PLCL1: variants seen among roughly 807,000 people sequenced by gnomAD.
PLCL1 encodes the protein phospholipase C like 1 (inactive).
Under a neutral mutation model 84.4 loss-of-function variants are expected in PLCL1, and 41 were observed. That is an observed-to-expected ratio of 0.49 (90% confidence interval 0.38 to 0.63). The LOEUF (loss-of-function observed/expected upper bound fraction) is 0.63, where lower values mean the gene tolerates loss of function less well. PLCL1 is among the 30% of genes least tolerant of loss of function. The probability of loss-of-function intolerance (pLI) is 0.00; values close to 1 mark genes in which losing one functional copy is unlikely to be tolerated. For synonymous variants in PLCL1, 490 were observed against 488.3 expected (o/e 1.00, Z -0.05); for missense variants, 1,206 against 1,367.8 (o/e 0.88, Z 1.87).
chr2:197,819,884 A>ATGTG (rs57885218), intron 1 of PLCL1, among the ~76,000 whole-genome samples: 4,609 of 140,626 alleles, frequency 0.033, 209 homozygotes, highest in African/African-American at 0.11. Context: ...ACTATTATGC[A>ATGTG]TGTGTGTGTG....
intron 1 of PLCL1, among the ~76,000 whole-genome samples, chr2:197,993,707 G>A (rs947102168): frequency 6.6e-5 from 10 of 152,272 alleles, no homozygotes; most frequent in African/African-American, 2.4e-4. Flanking sequence ...TAACCCAGCA[G>A]GGAGAAAACT....
chr2:197,923,894 G>C (rs937695289), intron 1 of PLCL1, among the ~76,000 whole-genome samples: 1 of 151,394 alleles, frequency 6.6e-6, no homozygotes, highest in African/African-American at 2.4e-5. Context: ...ACGAGACTCC[G>C]TCTGCAATCC....
chr2:198,033,203 C>G lies in PLCL1; in HGVS notation c.241-50555C>G, dbSNP rs534398911. Among the ~76,000 whole-genome samples the G allele has an allele frequency of 1.5e-4, 23 of 152,320 alleles. No homozygotes were observed. The South Asian group carries it at 4.6e-3, about 30-fold the overall frequency. ...CAATCAGAGAAGCACTGAGACTATG[C>G]AGTGCATTTGACACAGAAAATACCA... On this transcript the variant is annotated intron_variant, in intron 1 of 5. Coordinates refer to ENST00000428675, the MANE Select transcript of PLCL1 (RefSeq NM_006226.4).
At chr2:197,994,641 T>C (rs759748635) in intron 1 of PLCL1, among the ~76,000 whole-genome samples, 2 of 152,212 alleles carry the variant, frequency 1.3e-5, no homozygotes, top group Non-Finnish European at 2.9e-5. Context: ...ATTAGGTAAA[T>C]GAAAATATTT....
chr2:198,076,475 A>G lies in PLCL1; in HGVS notation c.241-7283A>G, dbSNP rs150049872. ...CATGCATACACTTAGCATTGCCTTT[A>G]ATTAATTCTGTTGACTTAGAAGATG... On this transcript the variant is annotated intron_variant, in intron 1 of 5. Coordinates refer to ENST00000428675, the MANE Select transcript of PLCL1 (RefSeq NM_006226.4). Among the ~76,000 whole-genome samples the G allele has an allele frequency of 6.8e-4, 104 of 152,364 alleles. 3 individuals carry two copies. In the South Asian group the frequency reaches 0.013, roughly 20 times the overall value.
At chr2:198,018,959 G>T (rs1053552269) in intron 1 of PLCL1, among the ~76,000 whole-genome samples, 1 of 152,174 alleles carries the variant, frequency 6.6e-6, no homozygotes, top group Admixed American at 6.5e-5. Flanking sequence ...AGCAGGGGTC[G>T]AGAGACACCT....
chr2:197,890,823 A>G, intron 1 of PLCL1, among the ~76,000 whole-genome samples: 1 of 29,216 alleles, frequency 3.4e-5, no homozygotes, highest in Non-Finnish European at 6.5e-5. Context: ...GTGTATATAT[A>G]CATATATGCA....
chr2:198,074,176 T>C (rs1170650480), intron 1 of PLCL1, among the ~76,000 whole-genome samples: 2 of 152,198 alleles, frequency 1.3e-5, no homozygotes, highest in Admixed American at 6.5e-5. Context: ...AAATATTGCA[T>C]AGAAAACCAT....
chr2:197,813,967 A>G (rs1256037270), intron 1 of PLCL1, among the ~76,000 whole-genome samples: 1 of 152,192 alleles, frequency 6.6e-6, no homozygotes, highest in Admixed American at 6.5e-5. Flanking sequence ...TCAAAAACCA[A>G]TTTTTAAAAC....
chr2:197,919,415 T>C (rs1282324343), intron 1 of PLCL1, among the ~76,000 whole-genome samples: 1 of 152,236 alleles, frequency 6.6e-6, no homozygotes, highest in Non-Finnish European at 1.5e-5. Context: ...TTTACTATCA[T>C]GATGTTTTAA....
chr2:197,893,675 A>G (rs767818234), intron 1 of PLCL1, among the ~76,000 whole-genome samples: 1 of 149,444 alleles, frequency 6.7e-6, no homozygotes, highest in Non-Finnish European at 1.5e-5. Flanking sequence ...TCATCTCAGC[A>G]TGCAAATTTA....
At chr2:197,939,037 C>T (rs17670316) in intron 1 of PLCL1, among the ~76,000 whole-genome samples, 2,947 of 152,174 alleles carry the variant, frequency 0.019, 52 homozygotes, top group Non-Finnish European at 0.029. Context: ...AAATAACATA[C>T]CTTCCATTAA....
Position 198,084,206 on chromosome 2 carries a change from A to G in PLCL1, c.689A>G (p.Asp230Gly), listed in dbSNP as rs369182692. ...YLVSRSKQPLDFMEGNQNTPR... is the reference protein window; with the variant it reads ...YLVSRSKQPLGFMEGNQNTPR... ...GTTTCTCGAAGTAAGCAGCCTCTTG[A>G]TTTTATGGAGGGCAACCAGAACACA... The change falls in exon 2 of 6, where the codon GAT becomes GGT. Residue 230 changes from aspartate (D) to glycine (G), a missense_variant. Transcript: ENST00000428675. 6.8e-6 allele frequency: 11 copies of G among 1,613,948 alleles called. No individual in the cohort carries two copies. The highest frequency in any genetic ancestry group is 1.6e-4 in the Middle Eastern group (1 of 6,084).
chr2:198,094,377 A>G (rs1693138627), intron 3 of PLCL1, among the ~76,000 whole-genome samples: 2 of 152,164 alleles, frequency 1.3e-5, no homozygotes, highest in South Asian at 4.1e-4. Flanking sequence ...GTCCTTTTAA[A>G]TTAGTCTTGC....
chr2:197,991,431 C>T (rs1313921658), intron 1 of PLCL1, among the ~76,000 whole-genome samples: 3 of 152,090 alleles, frequency 2.0e-5, no homozygotes, highest in Non-Finnish European at 2.9e-5. Flanking sequence ...TCTCTCCTTT[C>T]CTCTCTGTGC....
chr2:197,933,319 A>G (rs1355807662), intron 1 of PLCL1, among the ~76,000 whole-genome samples: 3 of 136,712 alleles, frequency 2.2e-5, no homozygotes. Flanking sequence ...GCTGGAGCGC[A>G]GTGGTGCGAT....
chr2:197,939,371 T>C (rs1457770270), intron 1 of PLCL1, among the ~76,000 whole-genome samples: 3 of 152,202 alleles, frequency 2.0e-5, no homozygotes, highest in Non-Finnish European at 4.4e-5. Flanking sequence ...ATTCTGGGAA[T>C]GGGACCTGTA....
chr2:197,977,685 G>C (rs537187632), intron 1 of PLCL1, among the ~76,000 whole-genome samples: 11 of 152,200 alleles, frequency 7.2e-5, no homozygotes, highest in Admixed American at 2.0e-4. Context: ...TGAAGCTGGC[G>C]CTGAGTGTGG....
At chr2:198,144,577 C>T (rs923445803) in intron 5 of PLCL1, among the ~76,000 whole-genome samples, 4 of 152,164 alleles carry the variant, frequency 2.6e-5, no homozygotes, top group Non-Finnish European at 5.9e-5. Flanking sequence ...TCATAAAGAG[C>T]TCTTCAACAT....
Sources: gnomAD v4.1 joint callset for allele counts (sites outside exome capture counted in the v4.1 genomes callset) on GRCh38, gnomAD v4.1.1 for gene constraint, MANE v1.5 for transcripts, NCBI Gene and HGNC (gene_info 2026-07-23, HGNC 2026-07-21) for gene names.